EDIL3: variants seen among roughly 807,000 people sequenced by gnomAD.
The protein encoded by EDIL3 is EGF-like repeat and discoidin I-like domain-containing protein 3.
Under a neutral mutation model 67.4 loss-of-function variants are expected in EDIL3, and 37 were observed. The observed-to-expected ratio is 0.55, with a 90% CI of 0.42 to 0.72. The LOEUF (loss-of-function observed/expected upper bound fraction) is 0.72, where lower values mean the gene tolerates loss of function less well. Ranked by LOEUF, EDIL3 falls within the 30% of genes least tolerant of loss-of-function variation. The pLI is 0.00. For synonymous variants in EDIL3, 195 were observed against 196.3 expected (o/e 0.99, Z 0.05); for missense variants, 527 against 586.3 (o/e 0.90, Z 1.04).
At chr5:84,276,819 G>A (rs927291609) in intron 1 of EDIL3, among the ~76,000 whole-genome samples, 3 of 151,790 alleles carry the variant, frequency 2.0e-5, no homozygotes, top group South Asian at 4.2e-4. Context: ...CGATCCACCC[G>A]CCTAGGCCTC....
At chr5:84,057,419 T>C (rs1408422257) in intron 9 of EDIL3, among the ~76,000 whole-genome samples, 1 of 152,252 alleles carries the variant, frequency 6.6e-6, no homozygotes, top group East Asian at 1.9e-4. Flanking sequence ...GTTTGCCTTA[T>C]TCCACACAGC....
At chr5:84,077,871 A>G (rs1283453815) in intron 6 of EDIL3, among the ~76,000 whole-genome samples, 1 of 150,028 alleles carries the variant, frequency 6.7e-6, no homozygotes, top group African/African-American at 2.5e-5. Context: ...TTTGCAAATC[A>G]CATAGACACA....
At chr5:84,256,119 A>ATCTATCTAT (rs71607708) in intron 1 of EDIL3, among the ~76,000 whole-genome samples, 313 of 147,120 alleles carry the variant, frequency 2.1e-3, no homozygotes, top group African/African-American at 7.4e-3. Context: ...TTATCATCTA[A>ATCTATCTAT]CTATCTATCT....
At chr5:84,001,181 G>T (rs1221748751) in intron 9 of EDIL3, among the ~76,000 whole-genome samples, 2 of 152,020 alleles carry the variant, frequency 1.3e-5, no homozygotes, top group Non-Finnish European at 2.9e-5. Flanking sequence ...TAAGTAGCTG[G>T]GATTACAGGT....
At chr5:83,968,767 T>C (rs747790873) in intron 9 of EDIL3, among the ~76,000 whole-genome samples, 32 of 152,170 alleles carry the variant, frequency 2.1e-4, no homozygotes, top group African/African-American at 6.5e-4. Context: ...AGCTTATAAC[T>C]ATTAATTTTT....
At chr5:84,216,302 T>C (rs536919431) in intron 3 of EDIL3, among the ~76,000 whole-genome samples, 240 of 152,342 alleles carry the variant, frequency 1.6e-3, no homozygotes, top group Middle Eastern at 0.014. Flanking sequence ...ACAATGTTTA[T>C]GTGATTCATA....
intron 4 of EDIL3, among the ~76,000 whole-genome samples, chr5:84,151,116 A>G (rs1748380847): frequency 6.6e-6 from 1 of 152,138 alleles, no homozygotes; most frequent in African/African-American, 2.4e-5. Context: ...AGGTTCATAT[A>G]TGTGTCAAAA....
At chr5:84,145,816 A>G (rs1435017605) in intron 4 of EDIL3, among the ~76,000 whole-genome samples, 2 of 30,712 alleles carry the variant, frequency 6.5e-5, no homozygotes, top group Non-Finnish European at 1.2e-4. Flanking sequence ...TGAAATTCAA[A>G]TTTACCTGGG....
chr5:84,049,165 CAA>C (rs1746284549), intron 9 of EDIL3, among the ~76,000 whole-genome samples: 3 of 152,234 alleles, frequency 2.0e-5, no homozygotes, highest in Admixed American at 6.5e-5. Flanking sequence ...ATAGACATTT[CAA>C]AGTTTTTATG....
chr5:84,082,420 G>A (rs1385660998), intron 6 of EDIL3, among the ~76,000 whole-genome samples: 2 of 152,154 alleles, frequency 1.3e-5, no homozygotes, highest in Non-Finnish European at 2.9e-5. Flanking sequence ...TGTAAAGGGC[G>A]ACATGTTTTC....
At chr5:84,297,133 G>A (rs998530251) in intron 1 of EDIL3, among the ~76,000 whole-genome samples, 3 of 128,168 alleles carry the variant, frequency 2.3e-5, no homozygotes, top group African/African-American at 5.9e-5. Flanking sequence ...AGTGAGCCGA[G>A]ATTACACCAC....
chr5:84,076,671 T>C (rs1746862868), intron 6 of EDIL3, among the ~76,000 whole-genome samples: 1 of 152,220 alleles, frequency 6.6e-6, no homozygotes, highest in Non-Finnish European at 1.5e-5. Context: ...CATTGATAGT[T>C]ACAAGTTTTC....
chr5:84,356,772 C>T (rs1008837751), intron 1 of EDIL3, among the ~76,000 whole-genome samples: 11 of 151,628 alleles, frequency 7.3e-5, no homozygotes, highest in Admixed American at 5.3e-4. Context: ...TTCATGTAAT[C>T]TTAGGTCTAA....
At chr5:84,284,390 G>T (rs1327109474) in intron 1 of EDIL3, among the ~76,000 whole-genome samples, 2 of 151,992 alleles carry the variant, frequency 1.3e-5, no homozygotes, top group African/African-American at 4.8e-5. Context: ...CTACGGCATG[G>T]CTACTATACC....
chr5:84,103,471 C>T (rs984313782), intron 6 of EDIL3, among the ~76,000 whole-genome samples: 1 of 152,088 alleles, frequency 6.6e-6, no homozygotes, highest in East Asian at 1.9e-4. Flanking sequence ...AACTATGCAT[C>T]TGATAAAGGT....
chr5:84,125,405 T>C (rs1288133946), intron 5 of EDIL3, among the ~76,000 whole-genome samples: 1 of 152,028 alleles, frequency 6.6e-6, no homozygotes. Context: ...TGTTTTAAAA[T>C]TCCAGTTTGA....
At chr5:84,049,622 G>T (rs1399511247) in intron 9 of EDIL3, among the ~76,000 whole-genome samples, 3 of 152,186 alleles carry the variant, frequency 2.0e-5, no homozygotes, top group African/African-American at 7.2e-5. Context: ...AATTGGCTCA[G>T]AATGTTCCAA....
At chr5:84,310,121 A>G (rs1447447221) in intron 1 of EDIL3, among the ~76,000 whole-genome samples, 4 of 152,138 alleles carry the variant, frequency 2.6e-5, no homozygotes, top group Admixed American at 2.6e-4. Flanking sequence ...GCTACCACAC[A>G]TCTTAAAATG....
chr5:84,198,073 C>T (rs1158198221), intron 3 of EDIL3, among the ~76,000 whole-genome samples: 2 of 151,912 alleles, frequency 1.3e-5, no homozygotes, highest in African/African-American at 4.8e-5. Context: ...TCTGAGTAGG[C>T]AATCAGAGGA....
Sources: allele counts gnomAD v4.1 joint callset (sites outside exome capture counted in the v4.1 genomes callset), GRCh38; gene constraint gnomAD v4.1.1; transcripts MANE v1.5; gene names NCBI Gene and HGNC (gene_info 2026-07-23, HGNC 2026-07-21).